NEDD4L: variants seen among roughly 807,000 people sequenced by gnomAD.
The protein encoded by NEDD4L is E3 ubiquitin-protein ligase NEDD4-like.
A neutral mutation model predicts 148.9 loss-of-function variants in NEDD4L; 54 were observed. The observed-to-expected ratio is 0.36, with a 90% confidence interval of 0.29 to 0.45. The LOEUF is 0.45. Ranked by LOEUF, NEDD4L falls within the 20% of genes least tolerant of loss-of-function variation. NEDD4L has a pLI of 1.00. For synonymous variants in NEDD4L, 433 were observed against 440.7 expected, an observed-to-expected ratio of 0.98 and a Z score of 0.22; for missense variants, 856 against 1,233.8, an observed-to-expected ratio of 0.69 and a Z score of 4.59.
Position 58,234,045 on chromosome 18 carries a change from T to TTTTCTTTCTTTCTTTCTTTC in NEDD4L, c.123-11342_123-11323dup, listed in dbSNP as rs1156456436. Among the ~76,000 whole-genome samples the TTTTCTTTCTTTCTTTCTTTC allele has an allele frequency of 7.8e-4, 92 of 117,954 alleles. 3 individuals are homozygous for TTTTCTTTCTTTCTTTCTTTC. The highest frequency in any genetic ancestry group is 1.8e-3 in the East Asian group (7 of 3,824). 77.4% of individuals were successfully genotyped at this position (117,954 alleles called of 152,430 possible). A position where few individuals can be genotyped will look rare whatever the true frequency, so the allele number is the denominator to read the frequency against. On this transcript the variant is annotated intron_variant, in intron 2 of 30. Transcript: ENST00000400345. ...CAACCTAATGACCTCATTTCTTTCC[T>TTTTCTTTCTTTCTTTCTTTC]TTTCTTTCTTTCTTTCTTTCTTTCT...
chr18:58,230,024 T>G (rs2036651311), intron 2 of NEDD4L, among the ~76,000 whole-genome samples: 1 of 152,046 alleles, frequency 6.6e-6, no homozygotes, highest in African/African-American at 2.4e-5. Context: ...AAGGAAAGCT[T>G]TTTCAGGTTG....
chr18:58,335,718 TAGAATGATTTTTTTAGTCCC>T, intron 13 of NEDD4L, 181 bp downstream of exon 13: 1 of 527,594 alleles, frequency 1.9e-6, no homozygotes, highest in South Asian at 2.6e-5. Context: ...CTGGGTAAAA[TAGAATGATTTTTTTAGTCCC>T]ACATAATTTT....
chr18:58,228,144 C>T (rs1480150757), intron 2 of NEDD4L, among the ~76,000 whole-genome samples: 1 of 152,200 alleles, frequency 6.6e-6, no homozygotes, highest in Non-Finnish European at 1.5e-5. Context: ...GTAAAGCAAC[C>T]TTTGTTGCAG....
At chr18:58,386,736 C>A (rs1339198738) in intron 26 of NEDD4L, among the ~76,000 whole-genome samples, 3 of 152,210 alleles carry the variant, frequency 2.0e-5, no homozygotes, top group East Asian at 3.8e-4. Flanking sequence ...TGGGGTGATG[C>A]TTTCCCTTCA....
intron 19 of NEDD4L, among the ~76,000 whole-genome samples, chr18:58,363,105 T>C (rs1011271454): frequency 1.3e-5 from 2 of 152,244 alleles, no homozygotes; most frequent in East Asian, 1.9e-4. Flanking sequence ...GATGTATTTT[T>C]TGCTCTGGAA....
chr18:58,340,246 C>T (rs1358679342), intron 13 of NEDD4L, among the ~76,000 whole-genome samples: 1 of 152,238 alleles, frequency 6.6e-6, no homozygotes, highest in Admixed American at 6.5e-5. Context: ...ATCCACACTG[C>T]ATTTCTTAGA....
At chr18:58,377,952 C>T (rs2047791371) in intron 24 of NEDD4L, among the ~76,000 whole-genome samples, 1 of 152,102 alleles carries the variant, frequency 6.6e-6, no homozygotes, top group African/African-American at 2.4e-5. Flanking sequence ...ATCATATTGC[C>T]CAGGCTGGTC....
chr18:58,367,497 T>C (rs575510740), intron 21 of NEDD4L, among the ~76,000 whole-genome samples: 1 of 152,300 alleles, frequency 6.6e-6, no homozygotes, highest in African/African-American at 2.4e-5. Context: ...AGACACTTCG[T>C]AGGTCAAAAA....
chr18:58,045,160 TTC>T (rs992735680), intron 1 of NEDD4L: 5 of 398,854 alleles, frequency 1.3e-5, no homozygotes, highest in Middle Eastern at 6.2e-4. Flanking sequence ...CCCTGGAACT[TTC>T]TCTCTCATGA....
chr18:58,113,978 C>T (rs2085592327), intron 1 of NEDD4L, among the ~76,000 whole-genome samples: 1 of 152,176 alleles, frequency 6.6e-6, no homozygotes, highest in African/African-American at 2.4e-5. Context: ...GTCCTCTGTC[C>T]CCTGTGAGGG....
chr18:58,176,780 C>T (rs556124193), intron 2 of NEDD4L, among the ~76,000 whole-genome samples: 54 of 152,330 alleles, frequency 3.5e-4, no homozygotes, highest in Middle Eastern at 3.4e-3. Flanking sequence ...AATGTTTTGA[C>T]AGAGTGGAAG....
intron 19 of NEDD4L, among the ~76,000 whole-genome samples, chr18:58,358,175 G>A (rs1351646463): frequency 4.6e-5 from 7 of 152,150 alleles, no homozygotes; most frequent in Non-Finnish European, 1.0e-4. Context: ...GAATTAGTAA[G>A]ATACATCCAT....
chr18:58,146,592 G>T (rs924917390), intron 1 of NEDD4L, among the ~76,000 whole-genome samples: 3 of 152,146 alleles, frequency 2.0e-5, no homozygotes, highest in Non-Finnish European at 4.4e-5. Context: ...AAAAAGTGCC[G>T]GAGAACCTGT....
At chr18:58,241,467 C>T (rs982031341) in intron 2 of NEDD4L, among the ~76,000 whole-genome samples, 1 of 152,158 alleles carries the variant, frequency 6.6e-6, no homozygotes, top group Admixed American at 6.5e-5. Flanking sequence ...TCATGCCTCC[C>T]GGTTCTATGT....
rs527438675 is a variant in NEDD4L, at chr18:58,204,670, G to T, written c.122+38809G>T. Among the ~76,000 whole-genome samples the T allele has an allele frequency of 4.6e-5, 7 of 152,286 alleles. 1 individual carries two copies. The South Asian group carries it at 1.5e-3, about 32-fold the overall frequency. On this transcript the variant is annotated intron_variant, in intron 2 of 30. Coordinates refer to ENST00000400345, the MANE Select transcript of NEDD4L (RefSeq NM_001144967.3). ...TAACTGGTGACAGGTCATGACGCAT[G>T]GGAATTGCTTATGTTTCTGAGCTTT...
intron 1 of NEDD4L, among the ~76,000 whole-genome samples, chr18:58,072,441 CAATGT>C (rs1471457693): frequency 6.6e-6 from 1 of 152,146 alleles, no homozygotes; most frequent in African/African-American, 2.4e-5. Context: ...CAAAACCACT[CAATGT>C]AATCTGTCAT....
chr18:58,342,017 T>A (rs992899710), intron 15 of NEDD4L, among the ~76,000 whole-genome samples: 2 of 152,260 alleles, frequency 1.3e-5, no homozygotes, highest in South Asian at 4.1e-4. Context: ...CTCATTTGGC[T>A]AAGGCCGTGG....
At position 58,161,222 on chromosome 18, in the gene NEDD4L, GTTTTC is replaced by G. The variant is rs1489089197; in HGVS notation, c.49-4565_49-4561del. Among the ~76,000 whole-genome samples the G allele has an allele frequency of 2.6e-5, 4 of 152,080 alleles. No homozygotes were observed. In the East Asian group the frequency reaches 5.8e-4, roughly 22 times the overall value. ...GTTTTATATTTTTAGTAGAGACAGGGTTTTCACCATGTTGGTCAGGCTGGTCTTGA... is the reference window on the plus strand; with the variant it reads ...GTTTTATATTTTTAGTAGAGACAGGGACCATGTTGGTCAGGCTGGTCTTGA... On this transcript the variant is annotated intron_variant, in intron 1 of 30. Coordinates refer to ENST00000400345, the MANE Select transcript of NEDD4L (RefSeq NM_001144967.3).
intron 22 of NEDD4L, among the ~76,000 whole-genome samples, chr18:58,369,233 C>T (rs2046507426): frequency 6.6e-6 from 1 of 152,152 alleles, no homozygotes; most frequent in Admixed American, 6.5e-5. Context: ...GGGGTCATTT[C>T]AGATGAGTGA....
Sources: gnomAD v4.1 joint callset for allele counts (sites outside exome capture counted in the v4.1 genomes callset) on GRCh38, gnomAD v4.1.1 for gene constraint, MANE v1.5 for transcripts, NCBI Gene and HGNC (gene_info 2026-07-23, HGNC 2026-07-21) for gene names.